Variants in ABHD12B observed in about 807,000 individuals in gnomAD.
The protein encoded by ABHD12B is protein ABHD12B.
In ABHD12B, 42 loss-of-function variants were observed where a neutral mutation model predicts 50.4. The ratio of observed to expected loss-of-function variants is 0.83; its 90% CI spans 0.65 to 1.08. The LOEUF (loss-of-function observed/expected upper bound fraction) is 1.08, where lower values mean the gene tolerates loss of function less well. Ranked by LOEUF, ABHD12B falls within the 50% of genes least tolerant of loss-of-function variation. ABHD12B has a pLI of 0.00. For synonymous variants in ABHD12B, 167 were observed against 160.3 expected, an observed-to-expected ratio of 1.04 and a Z score of -0.32; for missense variants, 479 against 447.7, an observed-to-expected ratio of 1.07 and a Z score of -0.63.
At position 50,903,447 on chromosome 14, in the gene ABHD12B, C is replaced by T. The variant is rs1451903178; in HGVS notation, c.922C>T (p.Pro308Ser). The change falls in exon 11 of 13, where the codon CCT becomes TCT. Residue 308 changes from proline (P) to serine (S), a missense_variant. Coordinates refer to ENST00000337334, the MANE Select transcript of ABHD12B (RefSeq NM_001206673.2). ...ACATGGAGAGGATGACAGGACAGTG[C>T]CTTTGGAGTATGGGAAAAAGGTAAA... ...ILHGEDDRTV[P>S]LEYGKKLYEI... 6.2e-7 allele frequency: 1 copy of T among 1,612,180 alleles called. No homozygotes were observed. The highest frequency in any genetic ancestry group is 1.3e-5 in the African/African-American group (1 of 74,774).
chr14:50,892,358 G>A, intron 9 of ABHD12B: 1 of 964,068 alleles, frequency 1.0e-6, no homozygotes, highest in Non-Finnish European at 1.2e-6. Context: ...CTGGAAAGGG[G>A]GAAGAGCAGA....
At chr14:50,887,541 T>C (rs1273570784) in intron 8 of ABHD12B, among the ~76,000 whole-genome samples, 3 of 152,182 alleles carry the variant, frequency 2.0e-5, no homozygotes, top group African/African-American at 7.2e-5. Flanking sequence ...AATTATCTGC[T>C]TTTGTGTGTG....
chr14:50,903,293 G>C, intron 10 of ABHD12B, 96 bp from the exon 11 acceptor site: 1 of 880,750 alleles, frequency 1.1e-6, no homozygotes. Context: ...TTGTAATTTA[G>C]ACAGGCCTCA....
intron 1 of ABHD12B, among the ~76,000 whole-genome samples, chr14:50,876,940 G>A (rs2049871773): frequency 6.6e-6 from 1 of 152,202 alleles, no homozygotes; most frequent in African/African-American, 2.4e-5. Flanking sequence ...AGCAGGAGGT[G>A]ATGACATTGA....
intron 9 of ABHD12B, among the ~76,000 whole-genome samples, chr14:50,896,935 C>G (rs1191682168): frequency 6.6e-6 from 1 of 152,014 alleles, no homozygotes; most frequent in East Asian, 1.9e-4. Context: ...TTCAGTTACT[C>G]AAAGAGGATT....
chr14:50,873,608 C>T (rs138496815), intron 1 of ABHD12B, among the ~76,000 whole-genome samples: 1 of 152,308 alleles, frequency 6.6e-6, no homozygotes, highest in African/African-American at 2.4e-5. Flanking sequence ...CCTCCCAGCT[C>T]TGGGTTGGAT....
intron 5 of ABHD12B, among the ~76,000 whole-genome samples, chr14:50,884,597 CT>C (rs1465109515): frequency 2.0e-5 from 3 of 152,086 alleles, no homozygotes; most frequent in Admixed American, 6.6e-5. Context: ...ATAATATCTA[CT>C]TTACAGTACA....
chr14:50,892,689 G>C (rs569010535), intron 9 of ABHD12B: 1 of 752,040 alleles, frequency 1.3e-6, no homozygotes, highest in Non-Finnish European at 1.6e-6. Flanking sequence ...ATGTTCTTTG[G>C]ATTTAAGTTG....
chr14:50,904,894 G>GATTCAGACACTT lies in ABHD12B; in HGVS notation c.*529_*530insTTCAGACACTTA, dbSNP rs2050311769. On this transcript the variant is annotated 3_prime_UTR_variant, in exon 13 of 13. Transcript: ENST00000337334. ...CACAAAGTAGCCCTCATCAGACACT[G>GATTCAGACACTT]AATCAGCCAGTGCCTTGCTCTTGGA... 1.3e-5 allele frequency: 3 copies of GATTCAGACACTT among 233,732 alleles called. No individual in the cohort carries two copies. The highest frequency in any genetic ancestry group is 2.5e-5 in the Non-Finnish European group (3 of 120,172). 14.5% of individuals were successfully genotyped at this position (233,732 alleles called of 1,614,324 possible).
chr14:50,897,392 T>G lies in ABHD12B; in HGVS notation c.781-4437T>G, dbSNP rs2050212145. Among the ~76,000 whole-genome samples the G allele has an allele frequency of 1.3e-5, 2 of 152,222 alleles. 1 individual carries two copies. Among genetic ancestry groups the G allele is most frequent in the South Asian group, 4.1e-4 (2 of 4,824 alleles). ...CCCAGCCTATGATTTAGTTTTCATA[T>G]CTTCCAGGTGGATTTATCATTTTCA... On this transcript the variant is annotated intron_variant, in intron 9 of 12. Coordinates refer to ENST00000337334, the MANE Select transcript of ABHD12B (RefSeq NM_001206673.2).
chr14:50,879,973 T>A (rs1257993170), intron 3 of ABHD12B, among the ~76,000 whole-genome samples: 1 of 152,252 alleles, frequency 6.6e-6, no homozygotes, highest in Non-Finnish European at 1.5e-5. Context: ...CTCACACAGA[T>A]GTTTAAAATC....
chr14:50,895,179 C>T lies in ABHD12B; in HGVS notation c.780+6276C>T, dbSNP rs181629968. ...CCCTAGACCCTAAAAGGTCAAAAGG[C>T]CATCTTATTCTCAAAATACATTTTA... On this transcript the variant is annotated intron_variant, in intron 9 of 12. Transcript: ENST00000337334. Among the ~76,000 whole-genome samples, 1,020 of 150,102 alleles carry T rather than the reference C, an allele frequency of 6.8e-3. 11 individuals are homozygous for T. Among genetic ancestry groups the T allele is most frequent in the Non-Finnish European group, 0.01 (694 of 68,028 alleles).
intron 9 of ABHD12B, chr14:50,890,962 C>T (rs1185381471): frequency 1.3e-5 from 2 of 152,132 alleles, no homozygotes; most frequent in Non-Finnish European, 2.9e-5. Flanking sequence ...CAAATCCTTG[C>T]CCTCATATTG....
intron 5 of ABHD12B, among the ~76,000 whole-genome samples, chr14:50,882,423 C>A (rs2049967985): frequency 8.2e-6 from 1 of 121,788 alleles, no homozygotes; most frequent in East Asian, 2.6e-4. Context: ...GTTGCCCAGG[C>A]TGGAGTGCAG....
chr14:50,904,346 C>A lies in ABHD12B; in HGVS notation c.1069C>A (p.Leu357Met). The A allele has an allele frequency of 1.2e-6, 2 of 1,613,132 alleles. No homozygotes were observed. The highest frequency in any genetic ancestry group is 1.7e-6 in the Non-Finnish European group (2 of 1,179,604). ...TGGGTCCTTTTTCTACAGAGATTTC[C>A]TGAGCAAGCAGTGGTCATGAGTCTG... is the stretch of plus-strand genomic sequence containing the variant. ...PTLLITVRDFLSKQWS is the reference protein window; with the variant it reads ...PTLLITVRDFMSKQWS The change falls in exon 13 of 13, where the codon CTG becomes ATG. Residue 357 changes from leucine to methionine, a missense_variant. Physicochemically the swap from Leu to Met is conservative, Grantham distance 15. Transcript: ENST00000337334.
At chr14:50,898,722 T>G (rs2050227176) in intron 9 of ABHD12B, among the ~76,000 whole-genome samples, 1 of 151,910 alleles carries the variant, frequency 6.6e-6, no homozygotes, top group Non-Finnish European at 1.5e-5. Flanking sequence ...ATTCCAGGGG[T>G]GAGAGTACCA....
intron 5 of ABHD12B, among the ~76,000 whole-genome samples, chr14:50,883,244 A>G (rs2049984629): frequency 6.6e-6 from 1 of 152,092 alleles, no homozygotes; most frequent in Non-Finnish European, 1.5e-5. Flanking sequence ...GACCACAGGG[A>G]CTTGGTCTCT....
rs4901064 is a variant in ABHD12B at position 50,904,066 on chromosome 14, G to C, written c.943-8G>C. On this transcript the variant is annotated splice_region_variant and splice_polypyrimidine_tract_variant and intron_variant, in intron 11 of 12. Coordinates refer to ENST00000337334, the MANE Select transcript of ABHD12B (RefSeq NM_001206673.2). ...GCCATCCTTTGAGTCTCTTTCTGTCGCTTGCAGCTCTATGAAATTGCACGC... is the reference window on the plus strand; with the variant it reads ...GCCATCCTTTGAGTCTCTTTCTGTCCCTTGCAGCTCTATGAAATTGCACGC... The C allele has an allele frequency of 0.21, 341,089 of 1,606,124 alleles. 40,613 individuals are homozygous for C. The highest frequency in any genetic ancestry group is 0.45 in the Admixed American group (26,845 of 59,432).
chr14:50,887,599 A>G (rs1959531), intron 8 of ABHD12B, among the ~76,000 whole-genome samples: 147,647 of 152,228 alleles, frequency 0.97, 71,766 homozygotes, highest in Middle Eastern at 1. Context: ...AGGGCTACAC[A>G]TGGCTTATGG....
Sources: gnomAD v4.1 joint callset for allele counts (sites outside exome capture counted in the v4.1 genomes callset) on GRCh38, gnomAD v4.1.1 for gene constraint, MANE v1.5 for transcripts, NCBI Gene and HGNC (gene_info 2026-07-23, HGNC 2026-07-21) for gene names.